The following MYO1B variants were observed in gnomAD, a reference collection of about 807,000 sequenced individuals.
MYO1B encodes unconventional myosin-Ib.
Under a neutral mutation model 159.7 loss-of-function variants are expected in MYO1B, and 72 were observed. The observed-to-expected ratio is 0.45, with a 90% CI of 0.37 to 0.55. The LOEUF is 0.55. Ranked by LOEUF, MYO1B falls within the 20% of genes least tolerant of loss-of-function variation. The pLI, the probability that MYO1B is intolerant of heterozygous loss-of-function variation, is 0.00. For synonymous variants in MYO1B, 468 were observed against 473.8 expected (o/e 0.99, Z 0.16); for missense variants, 1,062 against 1,364.8 (o/e 0.78, Z 3.50).
chr2:191,290,336 A>G (rs1688622165), intron 2 of MYO1B, among the ~76,000 whole-genome samples: 1 of 152,134 alleles, frequency 6.6e-6, no homozygotes, highest in South Asian at 2.1e-4. Flanking sequence ...TTCAATGTGC[A>G]TGTGTGTTTT....
In MYO1B at chr2:191,354,256, A is replaced by AAATAATAATAAT. The variant is rs71030337; in HGVS notation, c.562+4062_562+4073dup. Among the ~76,000 whole-genome samples the AAATAATAATAAT allele has an allele frequency of 4.3e-4, 62 of 143,854 alleles. 1 individual carries two copies. The highest frequency in any genetic ancestry group is 9.5e-4 in the African/African-American group (37 of 39,044). 94.4% of individuals were successfully genotyped at this position (143,854 alleles called of 152,430 possible). A position where few individuals can be genotyped will look rare whatever the true frequency, so the allele number is the denominator to read the frequency against. On this transcript the variant is annotated intron_variant, in intron 7 of 30. Coordinates refer to ENST00000392318, the MANE Select transcript of MYO1B (RefSeq NM_001130158.3). ...GGGTGATAGAGCAAGACTCCGTCTT[A>AAATAATAATAAT]AATAATAATAATAATAATAATAATA...
At chr2:191,313,478 G>A (rs545378705) in intron 3 of MYO1B, among the ~76,000 whole-genome samples, 32 of 152,038 alleles carry the variant, frequency 2.1e-4, no homozygotes, top group African/African-American at 7.5e-4. Context: ...TCCGCCTCCC[G>A]GGTTCACACC....
chr2:191,266,524 G>A (rs1034464768), intron 1 of MYO1B, among the ~76,000 whole-genome samples: 1 of 152,174 alleles, frequency 6.6e-6, no homozygotes, highest in Admixed American at 6.5e-5. Context: ...GAAAAATGGT[G>A]CAGTGTTGTG....
chr2:191,259,961 TG>T (rs1686694668), intron 1 of MYO1B, among the ~76,000 whole-genome samples: 1 of 152,016 alleles, frequency 6.6e-6, no homozygotes, highest in Non-Finnish European at 1.5e-5. Context: ...GAGGGGATCA[TG>T]GGCAGCTACG....
intron 30 of MYO1B, 32 bp downstream of exon 30, chr2:191,416,274 T>C: frequency 6.2e-7 from 1 of 1,613,184 alleles, no homozygotes. Context: ...AAACCCTTTT[T>C]CTCTTTCAGC....
chr2:191,251,093 G>T (rs1049100442), intron 1 of MYO1B, among the ~76,000 whole-genome samples: 1 of 152,144 alleles, frequency 6.6e-6, no homozygotes, highest in Non-Finnish European at 1.5e-5. Context: ...CCAGTCCTGC[G>T]TCATTCTCCT....
At chr2:191,376,488 A>G (rs960332082) in intron 13 of MYO1B, among the ~76,000 whole-genome samples, 15 of 152,328 alleles carry the variant, frequency 9.8e-5, no homozygotes, top group Middle Eastern at 3.4e-3. Context: ...CAGCAATAAT[A>G]TAGCCCAACT....
chr2:191,423,816 T>G (rs756112065), intron 30 of MYO1B, 21 bp from the exon 31 acceptor site: 1 of 1,598,302 alleles, frequency 6.3e-7, no homozygotes, highest in South Asian at 1.1e-5. Flanking sequence ...TACTTTAATT[T>G]GTTTTATTCT....
chr2:191,327,414 A>G (rs1223430776), intron 3 of MYO1B, among the ~76,000 whole-genome samples: 1 of 152,270 alleles, frequency 6.6e-6, no homozygotes, highest in Non-Finnish European at 1.5e-5. Context: ...TCAGGGCTTT[A>G]TAAATTTCAA....
chr2:191,363,604 GAA>G (rs2126017670), intron 9 of MYO1B, 122 bp from the exon 10 acceptor site: 2 of 1,295,676 alleles, frequency 1.5e-6, no homozygotes, highest in Admixed American at 2.9e-5. Context: ...GGAAACCACT[GAA>G]GATATAGCTT....
At chr2:191,388,427 A>T (rs73984114) in intron 17 of MYO1B, among the ~76,000 whole-genome samples, 5 of 152,186 alleles carry the variant, frequency 3.3e-5, no homozygotes, top group African/African-American at 9.6e-5. Flanking sequence ...AGTAGAAGGT[A>T]TGTGTCTGGT....
At chr2:191,348,393 A>G (rs967155996) in intron 6 of MYO1B, among the ~76,000 whole-genome samples, 1 of 152,172 alleles carries the variant, frequency 6.6e-6, no homozygotes, top group Non-Finnish European at 1.5e-5. Flanking sequence ...CCTTTTACCT[A>G]GGCTCTAGAT....
chr2:191,403,565 C>T lies in MYO1B; in HGVS notation c.2556+847C>T, dbSNP rs779592813. On this transcript the variant is annotated intron_variant, in intron 24 of 30. Coordinates refer to ENST00000392318, the MANE Select transcript of MYO1B (RefSeq NM_001130158.3). ...TTTAATCCTATGACATTTAATCTTA[C>T]TCCAAATATTTGAATTATTATCTGA... 1.9e-4 allele frequency among the ~76,000 whole-genome samples: 29 copies of T among 152,252 alleles called. No individual in the cohort carries two copies. The South Asian group carries it at 6.0e-3, about 32-fold the overall frequency.
At chr2:191,298,864 A>G (rs1689141024) in intron 3 of MYO1B, among the ~76,000 whole-genome samples, 1 of 152,146 alleles carries the variant, frequency 6.6e-6, no homozygotes, top group African/African-American at 2.4e-5. Flanking sequence ...GAGCCGGGGT[A>G]TTAACATTGG....
chr2:191,360,292 T>A (rs528203205), intron 7 of MYO1B, among the ~76,000 whole-genome samples: 13 of 152,370 alleles, frequency 8.5e-5, no homozygotes, highest in African/African-American at 2.9e-4. Context: ...ATTGAATGGC[T>A]GTATTTCATT....
chr2:191,271,040 A>G (rs1200285146), intron 1 of MYO1B, among the ~76,000 whole-genome samples: 1 of 152,338 alleles, frequency 6.6e-6, no homozygotes, highest in African/African-American at 2.4e-5. Flanking sequence ...AATGGCTACC[A>G]TGTGCAAGAG....
At chr2:191,418,378 A>G (rs949994977) in intron 30 of MYO1B, among the ~76,000 whole-genome samples, 1 of 151,978 alleles carries the variant, frequency 6.6e-6, no homozygotes, top group Non-Finnish European at 1.5e-5. Flanking sequence ...TCCTTCCCAG[A>G]AGTAGAAGTA....
At chr2:191,283,729 T>C (rs971786662) in intron 2 of MYO1B, among the ~76,000 whole-genome samples, 1 of 152,212 alleles carries the variant, frequency 6.6e-6, no homozygotes, top group Admixed American at 6.5e-5. Flanking sequence ...GAGTCCATGC[T>C]CTTAATGATA....
At chr2:191,342,123 C>A (rs996715919) in intron 5 of MYO1B, among the ~76,000 whole-genome samples, 3 of 152,184 alleles carry the variant, frequency 2.0e-5, no homozygotes, top group Non-Finnish European at 4.4e-5. Flanking sequence ...GCTAGAAGTT[C>A]AAGATCAAGC....
Sources: allele counts gnomAD v4.1 joint callset (sites outside exome capture counted in the v4.1 genomes callset), GRCh38; gene constraint gnomAD v4.1.1; transcripts MANE v1.5; gene names NCBI Gene and HGNC (gene_info 2026-07-23, HGNC 2026-07-21).